Variants in ANTXR1 observed in about 807,000 individuals in gnomAD.
ANTXR1 encodes the protein ANTXR cell adhesion molecule 1, also known as anthrax toxin receptor 1.
Under a neutral mutation model 78.1 loss-of-function variants are expected in ANTXR1, and 19 were observed. The ratio of observed to expected loss-of-function variants is 0.24; its 90% CI spans 0.17 to 0.36. ANTXR1 has a LOEUF of 0.36. Among genes scored for constraint, ANTXR1 ranks in the 10% least tolerant of loss-of-function variants. ANTXR1 has a pLI of 1.00. For synonymous variants in ANTXR1, 273 were observed against 260.5 expected (o/e 1.05, Z -0.46); for missense variants, 518 against 718.6 (o/e 0.72, Z 3.19).
At chr2:69,077,532 C>G in intron 8 of ANTXR1, 44 bp downstream of exon 8, 1 of 1,596,980 alleles carries the variant, frequency 6.3e-7, no homozygotes, top group Non-Finnish European at 8.6e-7. Context: ...CAGGCACCTT[C>G]CGTCTCTGAT....
At chr2:69,235,647 G>C (rs1183627902) in intron 17 of ANTXR1, among the ~76,000 whole-genome samples, 1 of 95,186 alleles carries the variant, frequency 1.1e-5, no homozygotes, top group Admixed American at 1.3e-4. Flanking sequence ...GTGAAACCCC[G>C]TCTCAAAAAA....
At position 69,172,267 on chromosome 2, in the gene ANTXR1, T is replaced by G. The variant is rs961400781; in HGVS notation, c.1089+1978T>G. On this transcript the variant is annotated intron_variant, in intron 14 of 17. Transcript: ENST00000303714. ...CAATAAAAATTTAAACATTGTACTTTTTAGCATCAGGCGCTTTTTGGCATG... is the reference window on the plus strand; with the variant it reads ...CAATAAAAATTTAAACATTGTACTTGTTAGCATCAGGCGCTTTTTGGCATG... 14 of 952,076 alleles carry G rather than the reference T, an allele frequency of 1.5e-5. No individual in the cohort carries two copies. In the African/African-American group the frequency reaches 2.1e-4, roughly 15 times the overall value. 59.0% of individuals were successfully genotyped at this position (952,076 alleles called of 1,614,324 possible).
At chr2:69,163,767 A>T (rs1427962781) in intron 13 of ANTXR1, among the ~76,000 whole-genome samples, 2 of 152,212 alleles carry the variant, frequency 1.3e-5, no homozygotes, top group South Asian at 4.1e-4. Flanking sequence ...TGGTTTCTGC[A>T]TATTCCTCCC....
At chr2:69,229,792 C>T (rs772776229) in intron 17 of ANTXR1, among the ~76,000 whole-genome samples, 2 of 151,038 alleles carry the variant, frequency 1.3e-5, no homozygotes, top group Non-Finnish European at 2.9e-5. Flanking sequence ...TTAGTGAGAC[C>T]CATCCAAAAT....
At chr2:69,110,102 T>C (rs1671931318) in intron 10 of ANTXR1, among the ~76,000 whole-genome samples, 1 of 152,216 alleles carries the variant, frequency 6.6e-6, no homozygotes, top group Non-Finnish European at 1.5e-5. Context: ...ATTGCCATTT[T>C]TACTTTGTCA....
chr2:69,181,144 C>A (rs1291446381), intron 14 of ANTXR1, among the ~76,000 whole-genome samples: 14 of 152,178 alleles, frequency 9.2e-5, no homozygotes, highest in Admixed American at 8.5e-4. Flanking sequence ...AGTCTTAGGG[C>A]AGCAGGAGGC....
chr2:69,025,122 G>A (rs1035313566), intron 1 of ANTXR1, among the ~76,000 whole-genome samples: 1 of 151,928 alleles, frequency 6.6e-6, no homozygotes, highest in Admixed American at 6.6e-5. Context: ...TGGCTCTAAT[G>A]CCCTTCACCA....
intron 3 of ANTXR1, among the ~76,000 whole-genome samples, chr2:69,051,205 G>C (rs1669922140): frequency 6.6e-6 from 1 of 151,986 alleles, no homozygotes; most frequent in Non-Finnish European, 1.5e-5. Flanking sequence ...TTGAACCTGG[G>C]AGGCGGAGGT....
intron 14 of ANTXR1, among the ~76,000 whole-genome samples, chr2:69,177,926 C>G (rs7583385): frequency 6.6e-6 from 1 of 152,246 alleles, no homozygotes; most frequent in Non-Finnish European, 1.5e-5. Context: ...TTCTCATTCA[C>G]AGCAATTGGG....
chr2:69,102,241 C>A lies in ANTXR1; in HGVS notation c.704-601C>A, dbSNP rs80094513. On this transcript the variant is annotated intron_variant, in intron 9 of 17. Coordinates refer to ENST00000303714, the MANE Select transcript of ANTXR1 (RefSeq NM_032208.3). Reference sequence around the variant, plus strand: ...ATAGGAATGCCATAGTGGTATCAAACAACTCCTGACCTAAAGGAATGTTTC... The same window carrying A: ...ATAGGAATGCCATAGTGGTATCAAAAAACTCCTGACCTAAAGGAATGTTTC... Among the ~76,000 whole-genome samples the A allele has an allele frequency of 9.8e-3, 1,487 of 152,364 alleles. 12 individuals carry two copies. Among genetic ancestry groups the A allele is most frequent in the Non-Finnish European group, 0.016 (1,094 of 68,030 alleles).
chr2:69,027,165 T>C (rs1671369232), intron 1 of ANTXR1, among the ~76,000 whole-genome samples: 1 of 152,184 alleles, frequency 6.6e-6, no homozygotes, highest in Non-Finnish European at 1.5e-5. Context: ...ATCAGCATCA[T>C]GCAGTGGCAG....
At chr2:69,017,350 C>A (rs1186251796) in intron 1 of ANTXR1, among the ~76,000 whole-genome samples, 2 of 152,142 alleles carry the variant, frequency 1.3e-5, no homozygotes, top group Non-Finnish European at 2.9e-5. Flanking sequence ...TAGATCCTTT[C>A]GCTGGCAAGA....
At chr2:69,031,553 G>A (rs1671531015) in intron 1 of ANTXR1, among the ~76,000 whole-genome samples, 2 of 152,162 alleles carry the variant, frequency 1.3e-5, no homozygotes, top group Admixed American at 6.5e-5. Context: ...CTCCTAGAGA[G>A]CCAAACATGA....
chr2:69,189,134 C>A (rs1453076836), intron 16 of ANTXR1, among the ~76,000 whole-genome samples: 1 of 152,136 alleles, frequency 6.6e-6, no homozygotes, highest in African/African-American at 2.4e-5. Context: ...TATTGATTGC[C>A]TGGATTGTTT....
chr2:69,188,735 C>T (rs1040604385), intron 16 of ANTXR1, among the ~76,000 whole-genome samples: 16 of 152,334 alleles, frequency 1.1e-4, no homozygotes, highest in Middle Eastern at 3.4e-3. Context: ...GTCTTAAGTG[C>T]ATGCTGTGGA....
chr2:69,131,303 C>G (rs1438265165), intron 12 of ANTXR1, among the ~76,000 whole-genome samples: 1 of 152,196 alleles, frequency 6.6e-6, no homozygotes, highest in East Asian at 1.9e-4. Flanking sequence ...CCAAATTCCT[C>G]TTTTCCATAT....
intron 17 of ANTXR1, among the ~76,000 whole-genome samples, chr2:69,213,390 C>G: frequency 6.6e-6 from 1 of 152,200 alleles, no homozygotes; most frequent in East Asian, 1.9e-4. Context: ...AAGAAACATT[C>G]CCACATCTGC....
intron 8 of ANTXR1, among the ~76,000 whole-genome samples, chr2:69,086,656 C>T (rs112350628): frequency 4.8e-5 from 3 of 62,940 alleles, no homozygotes; most frequent in Non-Finnish European, 6.5e-5. Context: ...GGCGATGGGG[C>T]GTAAGCACAT....
chr2:69,088,255 A>T, intron 8 of ANTXR1, among the ~76,000 whole-genome samples: 1 of 152,182 alleles, frequency 6.6e-6, no homozygotes, highest in African/African-American at 2.4e-5. Context: ...AGTTGGTTCA[A>T]AAAGGTTGGT....
Sources: allele counts gnomAD v4.1 joint callset (sites outside exome capture counted in the v4.1 genomes callset), GRCh38; gene constraint gnomAD v4.1.1; transcripts MANE v1.5; gene names NCBI Gene and HGNC (gene_info 2026-07-23, HGNC 2026-07-21).